CDH13: variants seen among roughly 807,000 people sequenced by gnomAD.
CDH13 encodes the protein cadherin 13.
A neutral mutation model predicts 63.8 loss-of-function variants in CDH13; 24 were observed. The observed-to-expected ratio is 0.38, with a 90% CI of 0.27 to 0.53. CDH13 has a LOEUF of 0.53. CDH13 is among the 20% of genes least tolerant of loss of function. The pLI, the probability that CDH13 is intolerant of heterozygous loss-of-function variation, is 0.85. For missense variants in CDH13, 1,049 were observed against 903.1 expected, an observed-to-expected ratio of 1.16 and a Z score of -2.07; for synonymous variants, 503 against 355.3, an observed-to-expected ratio of 1.42 and a Z score of -4.67.
intron 4 of CDH13, among the ~76,000 whole-genome samples, chr16:83,206,029 G>C (rs772176999): frequency 1.3e-5 from 2 of 152,148 alleles, no homozygotes; most frequent in South Asian, 4.1e-4. Context: ...ACAGCCTTGT[G>C]CTGGTTACAT....
intron 2 of CDH13, among the ~76,000 whole-genome samples, chr16:82,979,404 T>C (rs1450974408): frequency 6.6e-6 from 1 of 152,106 alleles, no homozygotes; most frequent in Non-Finnish European, 1.5e-5. Context: ...CCAAATTTCA[T>C]CTTGAATTAT....
At chr16:83,098,366 A>G (rs925622842) in intron 3 of CDH13, among the ~76,000 whole-genome samples, 1 of 152,072 alleles carries the variant, frequency 6.6e-6, no homozygotes, top group African/African-American at 2.4e-5. Context: ...CATTGCTATT[A>G]TTTTTTACTT....
In CDH13 at chr16:83,521,548, A is replaced by G. The variant is rs191966319; in HGVS notation, c.960+34893A>G. 2.7e-4 allele frequency among the ~76,000 whole-genome samples: 41 copies of G among 152,342 alleles called. No individual in the cohort carries two copies. In the East Asian group the frequency reaches 7.3e-3, roughly 27 times the overall value. ...TCCCAGGGTATGCTATGAGAATTGG[A>G]TGAGAATATTGTTAAATCCCTTGTG... On this transcript the variant is annotated intron_variant, in intron 7 of 13. Transcript: ENST00000567109.
chr16:83,776,638 T>C (rs961560999), intron 11 of CDH13, among the ~76,000 whole-genome samples: 1 of 152,168 alleles, frequency 6.6e-6, no homozygotes, highest in Admixed American at 6.5e-5. Context: ...TTTAAGCTGG[T>C]TTTTTCCCCG....
At chr16:83,717,754 G>C (rs1165621625) in intron 10 of CDH13, 3 of 152,238 alleles carry the variant, frequency 2.0e-5, no homozygotes, top group Non-Finnish European at 2.9e-5. Context: ...CAGCTCCCCT[G>C]CATGCAAAGC....
intron 1 of CDH13, among the ~76,000 whole-genome samples, chr16:82,847,174 G>A (rs2039295759): frequency 6.6e-6 from 1 of 152,186 alleles, no homozygotes; most frequent in South Asian, 2.1e-4. Context: ...TTTTCTGAGT[G>A]TCTATTGTGG....
intron 1 of CDH13, among the ~76,000 whole-genome samples, chr16:82,853,845 C>A (rs2039586980): frequency 6.6e-6 from 1 of 152,236 alleles, no homozygotes; most frequent in East Asian, 1.9e-4. Context: ...GAATGATGCT[C>A]AGAGCATATA....
chr16:83,066,380 C>T (rs1231531988), intron 3 of CDH13, among the ~76,000 whole-genome samples: 2 of 152,148 alleles, frequency 1.3e-5, no homozygotes, highest in Admixed American at 6.5e-5. Flanking sequence ...GTGAGACTTT[C>T]AGTGCTAATC....
intron 5 of CDH13, among the ~76,000 whole-genome samples, chr16:83,219,617 G>C (rs1475118336): frequency 3.9e-5 from 6 of 152,180 alleles, no homozygotes; most frequent in Admixed American, 6.5e-5. Context: ...GAAGGTAAGT[G>C]AAAACCCAAA....
chr16:82,793,451 G>C (rs78786140), intron 1 of CDH13, among the ~76,000 whole-genome samples: 1 of 151,738 alleles, frequency 6.6e-6, no homozygotes, highest in African/African-American at 2.4e-5. Flanking sequence ...TTATAGAGGT[G>C]AAAAAATACC....
intron 2 of CDH13, among the ~76,000 whole-genome samples, chr16:82,896,847 C>G (rs548017063): frequency 5.0e-5 from 6 of 119,590 alleles, no homozygotes; most frequent in Non-Finnish European, 9.5e-5. Flanking sequence ...GTGGTGCAGT[C>G]TCGGCTCACT....
chr16:83,005,694 A>G (rs954966107), intron 2 of CDH13, among the ~76,000 whole-genome samples: 1 of 152,196 alleles, frequency 6.6e-6, no homozygotes, highest in Non-Finnish European at 1.5e-5. Flanking sequence ...TTCTCACCAG[A>G]AGTACCCTAA....
intron 4 of CDH13, among the ~76,000 whole-genome samples, chr16:83,212,721 A>C (rs1308394004): frequency 1.3e-5 from 2 of 152,202 alleles, no homozygotes; most frequent in African/African-American, 2.4e-5. Flanking sequence ...GTGGTCTTCA[A>C]ACTTGGGTAT....
At chr16:83,432,608 C>G (rs2072154921) in intron 6 of CDH13, among the ~76,000 whole-genome samples, 1 of 152,150 alleles carries the variant, frequency 6.6e-6, no homozygotes, top group African/African-American at 2.4e-5. Context: ...GAGTGCTGGC[C>G]TGGGACTGGA....
In CDH13 at chr16:83,127,716, G is replaced by A. The variant is rs538436794; in HGVS notation, c.483+2215G>A. Among the ~76,000 whole-genome samples, 4 of 152,268 alleles carry A rather than the reference G, an allele frequency of 2.6e-5. 1 individual carries two copies. Among genetic ancestry groups the A allele is most frequent in the African/African-American group, 9.6e-5 (4 of 41,570 alleles). Reference sequence around the variant, plus strand: ...TACTCCAGCATGGGCGACAGGGTGAGACTCTGTGTCAAACAAACACACAAA... The same window carrying A: ...TACTCCAGCATGGGCGACAGGGTGAAACTCTGTGTCAAACAAACACACAAA... On this transcript the variant is annotated intron_variant, in intron 4 of 13. Transcript: ENST00000567109.
At chr16:82,952,753 C>G (rs886513695) in intron 2 of CDH13, among the ~76,000 whole-genome samples, 6 of 152,200 alleles carry the variant, frequency 3.9e-5, no homozygotes, top group Non-Finnish European at 8.8e-5. Flanking sequence ...CCACTGTCCA[C>G]CATTCTCTAC....
chr16:83,308,625 C>T (rs1331290485), intron 5 of CDH13, among the ~76,000 whole-genome samples: 1 of 152,200 alleles, frequency 6.6e-6, no homozygotes, highest in Non-Finnish European at 1.5e-5. Flanking sequence ...TGATTTATGG[C>T]ACAGATCCAT....
chr16:83,520,234 G>C (rs2074797827), intron 7 of CDH13, among the ~76,000 whole-genome samples: 1 of 152,166 alleles, frequency 6.6e-6, no homozygotes, highest in African/African-American at 2.4e-5. Flanking sequence ...GACACTCACA[G>C]GCTCTAAGTG....
chr16:83,014,741 A>ATAT (rs1270511838), intron 2 of CDH13, among the ~76,000 whole-genome samples: 2 of 33,336 alleles, frequency 6.0e-5, no homozygotes, highest in Non-Finnish European at 1.3e-4. Context: ...AAAAAAAAAA[A>ATAT]AAATATATAT....
Sources: gnomAD v4.1 joint callset for allele counts (sites outside exome capture counted in the v4.1 genomes callset) on GRCh38, gnomAD v4.1.1 for gene constraint, MANE v1.5 for transcripts, NCBI Gene and HGNC (gene_info 2026-07-23, HGNC 2026-07-21) for gene names.